MALRD1: variants seen among roughly 807,000 people sequenced by gnomAD.
MALRD1 encodes the protein MAM and LDL-receptor class A domain-containing protein 1.
MALRD1 carries 247 observed loss-of-function variants against 242.1 expected under a neutral mutation model. The observed-to-expected ratio is 1.02, with a 90% CI of 0.92 to 1.13. The LOEUF (loss-of-function observed/expected upper bound fraction) is 1.13, where lower values mean the gene tolerates loss of function less well. MALRD1 is among the 50% of genes most tolerant of loss of function. MALRD1 has a pLI of 0.00. For missense variants in MALRD1, 2,989 were observed against 2,533.1 expected, an observed-to-expected ratio of 1.18 and a Z score of -3.86; for synonymous variants, 995 against 866.6, an observed-to-expected ratio of 1.15 and a Z score of -2.60.
intron 36 of MALRD1, among the ~76,000 whole-genome samples, chr10:19,658,298 C>G (rs531544174): frequency 6.6e-6 from 1 of 152,210 alleles, no homozygotes; most frequent in Admixed American, 6.5e-5. Context: ...ATATCTTCGT[C>G]TGTAAAATGT....
intron 24 of MALRD1, among the ~76,000 whole-genome samples, chr10:19,343,227 A>T (rs1843962426): frequency 6.6e-6 from 1 of 152,118 alleles, no homozygotes; most frequent in South Asian, 2.1e-4. Context: ...AGTGATATTA[A>T]TATTTTTAGC....
At chr10:19,402,107 T>C (rs943584699) in intron 28 of MALRD1, among the ~76,000 whole-genome samples, 1 of 152,162 alleles carries the variant, frequency 6.6e-6, no homozygotes, top group Admixed American at 6.6e-5. Context: ...ACAATGCATG[T>C]TATACCCTCT....
chr10:19,431,998 T>C (rs1834151748), intron 28 of MALRD1, among the ~76,000 whole-genome samples: 1 of 152,180 alleles, frequency 6.6e-6, no homozygotes, highest in Non-Finnish European at 1.5e-5. Flanking sequence ...ATATGAATTT[T>C]TTTTTCTCCT....
At chr10:19,271,405 C>T (rs1207727133) in intron 19 of MALRD1, among the ~76,000 whole-genome samples, 1 of 152,144 alleles carries the variant, frequency 6.6e-6, no homozygotes, top group East Asian at 1.9e-4. Context: ...GTTAAAAACC[C>T]AAATACCATT....
chr10:19,270,739 A>G (rs1383180410), intron 19 of MALRD1, among the ~76,000 whole-genome samples: 1 of 151,592 alleles, frequency 6.6e-6, no homozygotes, highest in Non-Finnish European at 1.5e-5. Context: ...TCTAAAAACT[A>G]TTAATTGTTA....
chr10:19,048,595 G>C (rs954724586), upstream of MALRD1, among the ~76,000 whole-genome samples: 8 of 152,244 alleles, frequency 5.3e-5, no homozygotes, highest in Non-Finnish European at 1.0e-4. Flanking sequence ...CTCCCCTGCT[G>C]TTTATTTAGC....
intron 13 of MALRD1, among the ~76,000 whole-genome samples, chr10:19,167,246 C>A (rs1834728726): frequency 6.6e-6 from 1 of 152,128 alleles, no homozygotes; most frequent in South Asian, 2.1e-4. Flanking sequence ...GTAGTCCCAG[C>A]TACTCTGGAG....
In MALRD1 at chr10:19,387,623, G is replaced by T. The variant is rs779885771; in HGVS notation, c.4537G>T (p.Asp1513Tyr). 1.1e-5 allele frequency: 17 copies of T among 1,550,400 alleles called. No individual in the cohort carries two copies. Among genetic ancestry groups the T allele is most frequent in the South Asian group, 1.1e-4 (9 of 84,052 alleles). ...NFVDNCGDNT[D>Y]ENECGSSCTF... is the part of the protein sequence containing the mutation. ...CGTAGATAACTGTGGAGATAATACT[G>T]ATGAAAATGAGTGTGGTAGCTCCTG... Residue 1513 changes from aspartate (D) to tyrosine (Y), a missense_variant, in exon 27 of 40, where the codon GAT becomes TAT. By Grantham distance (160) the Asp-to-Tyr change is radical. Coordinates refer to ENST00000454679, the MANE Select transcript of MALRD1 (RefSeq NM_001142308.3).
intron 28 of MALRD1, among the ~76,000 whole-genome samples, chr10:19,392,363 G>A (rs1441515440): frequency 6.6e-6 from 1 of 152,070 alleles, no homozygotes; most frequent in Non-Finnish European, 1.5e-5. Context: ...TGAGCCCCAA[G>A]TGTTCCACAC....
At chr10:19,077,570 G>A (rs757827163) in intron 2 of MALRD1, among the ~76,000 whole-genome samples, 50 of 151,982 alleles carry the variant, frequency 3.3e-4, no homozygotes, top group Non-Finnish European at 7.1e-4. Context: ...ACACTAGAGA[G>A]GGACAATTTT....
chr10:19,111,893 A>T (rs1231620858), intron 5 of MALRD1, among the ~76,000 whole-genome samples: 7 of 152,184 alleles, frequency 4.6e-5, no homozygotes, highest in Non-Finnish European at 1.0e-4. Context: ...TAGAGGAAAA[A>T]CATAAAGCAT....
At chr10:19,570,777 A>G (rs1310983819) in intron 33 of MALRD1, among the ~76,000 whole-genome samples, 1 of 152,100 alleles carries the variant, frequency 6.6e-6, no homozygotes, top group Non-Finnish European at 1.5e-5. Flanking sequence ...TATACAAAAT[A>G]TAATATCTGT....
At chr10:19,647,640 G>T (rs527757514) in intron 36 of MALRD1, among the ~76,000 whole-genome samples, 6 of 152,278 alleles carry the variant, frequency 3.9e-5, no homozygotes, top group Non-Finnish European at 8.8e-5. Flanking sequence ...TAAGTAAGTT[G>T]TGCAACTGAT....
At chr10:19,610,911 A>G (rs958991745) in intron 35 of MALRD1, among the ~76,000 whole-genome samples, 3 of 151,960 alleles carry the variant, frequency 2.0e-5, no homozygotes, top group African/African-American at 7.2e-5. Flanking sequence ...CCAGTCCCTG[A>G]CACATAGCAG....
At chr10:19,388,418 C>A (rs990254695) in intron 27 of MALRD1, among the ~76,000 whole-genome samples, 1 of 152,148 alleles carries the variant, frequency 6.6e-6, no homozygotes, top group Non-Finnish European at 1.5e-5. Flanking sequence ...TGTATGCTGC[C>A]ATCAGACATC....
intron 34 of MALRD1, among the ~76,000 whole-genome samples, chr10:19,602,778 T>C (rs1216910814): frequency 6.6e-6 from 1 of 152,178 alleles, no homozygotes; most frequent in Non-Finnish European, 1.5e-5. Flanking sequence ...CACACTGTCT[T>C]CCACAATGGT....
chr10:19,714,723 C>T (rs1293513504), intron 38 of MALRD1, among the ~76,000 whole-genome samples: 1 of 151,970 alleles, frequency 6.6e-6, no homozygotes, highest in Non-Finnish European at 1.5e-5. Context: ...TGATAAAAGA[C>T]GGGAATCAGC....
intron 2 of MALRD1, among the ~76,000 whole-genome samples, chr10:19,087,627 C>T (rs1835715146): frequency 6.6e-6 from 1 of 151,408 alleles, no homozygotes; most frequent in South Asian, 2.1e-4. Flanking sequence ...ATACAGGTAT[C>T]CAATGCGTAA....
chr10:19,401,149 A>G (rs1846820431), intron 28 of MALRD1, among the ~76,000 whole-genome samples: 1 of 152,196 alleles, frequency 6.6e-6, no homozygotes, highest in Admixed American at 6.6e-5. Context: ...GATAGTAATT[A>G]AGGATATGAT....
Sources: allele counts gnomAD v4.1 joint callset (sites outside exome capture counted in the v4.1 genomes callset), GRCh38; gene constraint gnomAD v4.1.1; transcripts MANE v1.5; gene names NCBI Gene and HGNC (gene_info 2026-07-23, HGNC 2026-07-21).